Variants in SUPT6H observed in about 807,000 individuals in gnomAD.
SUPT6H encodes transcription elongation factor SPT6.
A neutral mutation model predicts 222.3 loss-of-function variants in SUPT6H; 11 were observed. The observed-to-expected ratio is 0.05, with a 90% CI of 0.03 to 0.08. The LOEUF (loss-of-function observed/expected upper bound fraction) is 0.08, where lower values mean the gene tolerates loss of function less well. SUPT6H is among the 10% of genes least tolerant of loss of function. The pLI, the probability that SUPT6H is intolerant of heterozygous loss-of-function variation, is 1.00. For missense variants in SUPT6H, 1,422 were observed against 2,216.0 expected (o/e 0.64, Z 7.19); for synonymous variants, 762 against 801.2 (o/e 0.95, Z 0.83).
In SUPT6H at chr17:28,690,141, T is replaced by C. The variant is rs374520228; in HGVS notation, c.3402T>C (p.Tyr1134=). The C allele has an allele frequency of 3.5e-5, 56 of 1,613,632 alleles. No individual in the cohort carries two copies. The highest frequency in any genetic ancestry group is 1.1e-4 in the East Asian group (5 of 44,882). The change falls in exon 26 of 37, where the codon TAT becomes TAC. Residue 1134 remains tyrosine (Y), a synonymous_variant. Transcript: ENST00000314616. ...YDIRAELSCR[Y]KDLRTAYRSP... is the part of the protein sequence containing the mutation. Reference sequence around the variant, plus strand: ...TCCGGGCAGAGCTGAGCTGTCGATATAAGGACCTCCGGACAGCCTACCGCT... The same window carrying C: ...TCCGGGCAGAGCTGAGCTGTCGATACAAGGACCTCCGGACAGCCTACCGCT...
rs1411328355 is a variant in SUPT6H, at chr17:28,701,682, A to AATGCCTCCCTCC, written c.*57_*58insATGCCTCCCTCC. On this transcript the variant is annotated 3_prime_UTR_variant, in exon 37 of 37. Transcript: ENST00000314616. ...GAGGCTGGGAAAGGCCTGGCTGCCC[A>AATGCCTCCCTCC]CTGCCTCCCTCCCTGCCCCTCCTTT... 6.6e-7 allele frequency: 1 copy of AATGCCTCCCTCC among 1,519,574 alleles called. No homozygotes were observed. The highest frequency in any genetic ancestry group is 8.9e-7 in the Non-Finnish European group (1 of 1,121,592). The allele number at this position is 1,519,574 out of a possible 1,614,324, so 94.1% of individuals were successfully genotyped here.
intron 13 of SUPT6H, 21 bp downstream of exon 13, chr17:28,682,001 GA>G (rs1227153604): frequency 1.3e-6 from 2 of 1,585,242 alleles, no homozygotes; most frequent in South Asian, 2.3e-5. Context: ...GCTGCTTTGG[GA>G]TTTAGGCATT....
rs1257447045 is a variant in SUPT6H at position 28,689,523 on chromosome 17, C to T, written c.3304C>T (p.Leu1102=). 2 of 1,614,068 alleles carry T rather than the reference C, an allele frequency of 1.2e-6. No individual in the cohort carries two copies. Among genetic ancestry groups the T allele is most frequent in the Non-Finnish European group, 1.7e-6 (2 of 1,180,054 alleles). Residue 1102 remains leucine, a synonymous_variant, in exon 25 of 37, where the codon CTG becomes TTG. Transcript: ENST00000314616. ...ILENPERLKD[L]DLDAFAEELE... is the part of the protein sequence containing the mutation. ...GGAAAACCCAGAGCGACTGAAAGAC[C>T]TGGACCTTGATGCCTTTGCAGAAGA...
At chr17:28,689,241 C>T in intron 24 of SUPT6H, 113 bp from the exon 25 acceptor site, 3 of 905,116 alleles carry the variant, frequency 3.3e-6, no homozygotes, top group Non-Finnish European at 5.1e-6. Flanking sequence ...GTATAGTATT[C>T]CATTGTATGG....
chr17:28,677,110 C>G (rs1290012208), intron 7 of SUPT6H, among the ~76,000 whole-genome samples: 1 of 151,350 alleles, frequency 6.6e-6, no homozygotes, highest in Non-Finnish European at 1.5e-5. Context: ...CGGTGACTCA[C>G]GCCTGTAATC....
Position 28,678,922 on chromosome 17 carries a change from T to C in SUPT6H, c.1308T>C (p.Leu436=). The C allele has an allele frequency of 3.1e-6, 5 of 1,614,228 alleles. No individual in the cohort carries two copies. Among genetic ancestry groups the C allele is most frequent in the Non-Finnish European group, 3.4e-6 (4 of 1,180,038 alleles). Residue 436 remains leucine (L), a synonymous_variant, in exon 11 of 37, where the codon CTT becomes CTC. Transcript: ENST00000314616. The part of the protein sequence containing the change: ...EQISADPDKP[L]ADGIRALDTT... ...TCTCTGCTGACCCTGACAAACCTCT[T>C]GCTGATGGCATCCGGGCTCTGGACA...
In SUPT6H at chr17:28,681,893, G is replaced by A. The variant is rs555837352; in HGVS notation, c.1510G>A (p.Glu504Lys). 34 of 1,608,888 alleles carry A rather than the reference G, an allele frequency of 2.1e-5. No homozygotes were observed. The highest frequency in any genetic ancestry group is 2.7e-5 in the Non-Finnish European group (32 of 1,178,606). The change falls in exon 13 of 37, where the codon GAG becomes AAG. Residue 504 changes from glutamate to lysine, a missense_variant. Physicochemically the swap from Glu to Lys is moderately conservative, Grantham distance 56. Around this residue, in one of 13 missense-constraint regions of SUPT6H, gnomAD observed 389 missense variants for 544.6 expected, o/e 0.71. Coordinates refer to ENST00000314616, the MANE Select transcript of SUPT6H (RefSeq NM_003170.5). Reference protein sequence around the residue: ...EEGDEEGEGDEAEDEEQRGPE... With the variant: ...EEGDEEGEGDKAEDEEQRGPE... Reference sequence around the variant, plus strand: ...TGTTTTCTTCCCAGGTGAAGGTGACGAGGCAGAAGATGAGGAGCAGAGGGG... The same window carrying A: ...TGTTTTCTTCCCAGGTGAAGGTGACAAGGCAGAAGATGAGGAGCAGAGGGG...
chr17:28,682,037 C>G, intron 13 of SUPT6H, 57 bp downstream of exon 13: 2 of 1,427,412 alleles, frequency 1.4e-6, no homozygotes, highest in Non-Finnish European at 1.9e-6. Flanking sequence ...GGGAGTTACC[C>G]AGAAAAAAGA....
rs1567707376 is a variant in SUPT6H, at chr17:28,700,438, A to G, written c.4732A>G (p.Asn1578Asp). 2 of 1,614,246 alleles carry G rather than the reference A, an allele frequency of 1.2e-6. No individual in the cohort carries two copies. Among genetic ancestry groups the G allele is most frequent in the Non-Finnish European group, 1.7e-6 (2 of 1,180,046 alleles). The change falls in exon 35 of 37, where the codon AAT becomes GAT. Residue 1578 changes from asparagine to aspartate, a missense_variant. Around this residue, in one of 13 missense-constraint regions of SUPT6H, gnomAD observed 395 missense variants for 580.6 expected, o/e 0.68. Coordinates refer to ENST00000314616, the MANE Select transcript of SUPT6H (RefSeq NM_003170.5). ...GGTGACAGGCCAAGGACAGAACCCT[A>G]ATGCCACCCCAGCCCAGTGGGCCTC... Reference protein sequence around the residue: ...AAVTGQGQNPNATPAQWASSQ... With the variant: ...AAVTGQGQNPDATPAQWASSQ...
In SUPT6H at chr17:28,688,011, G is replaced by A; in HGVS notation, c.3007-80G>A. The A allele has an allele frequency of 1.4e-6, 2 of 1,406,042 alleles. No homozygotes were observed. The highest frequency in any genetic ancestry group is 1.8e-5 in the South Asian group (1 of 55,304). 87.1% of individuals were successfully genotyped at this position (1,406,042 alleles called of 1,614,324 possible). On this transcript the variant is annotated intron_variant, in intron 23 of 36. Coordinates refer to ENST00000314616, the MANE Select transcript of SUPT6H (RefSeq NM_003170.5). This position sits in a 1 kb window ranked among gnomAD's most constrained non-coding sequence, Gnocchi z 4.3. ...CTGGGTGGGACAGAGTTTTTGTTAT[G>A]AGGGTTTAATAGAGACTGGAACAGT...
intron 19 of SUPT6H, among the ~76,000 whole-genome samples, chr17:28,685,472 CATTATT>C (rs3076012): frequency 0.53 from 76,429 of 144,162 alleles, 22,270 homozygotes; most frequent in Non-Finnish European, 0.66. Context: ...TTATTATTAT[CATTATT>C]ATTATTATTA....
In SUPT6H at chr17:28,697,728, C is replaced by T. The variant is rs763471052; in HGVS notation, c.4318C>T (p.Arg1440Cys). 1.9e-5 allele frequency: 31 copies of T among 1,613,982 alleles called. No individual in the cohort carries two copies. Among genetic ancestry groups the T allele is most frequent in the South Asian group, 1.6e-4 (15 of 91,078 alleles). ...KYYQDCSGGD[R>C]KKLEELLIKT... ...TTATCAGGACTGCAGCGGTGGGGAC[C>T]GCAAGGTAAGCCCAGGGCCCTCTGA... The change falls in exon 31 of 37, where the codon CGC becomes TGC. Residue 1440 changes from arginine to cysteine, a missense_variant. By Grantham distance (180) the Arg-to-Cys change is radical (BLOSUM62 -3). Around this residue, in one of 13 missense-constraint regions of SUPT6H, gnomAD observed 395 missense variants for 580.6 expected, o/e 0.68. Coordinates refer to ENST00000314616, the MANE Select transcript of SUPT6H (RefSeq NM_003170.5).
intron 27 of SUPT6H, among the ~76,000 whole-genome samples, chr17:28,692,723 C>T (rs1381096241): frequency 4.1e-5 from 6 of 147,952 alleles, no homozygotes; most frequent in Admixed American, 1.3e-4. Flanking sequence ...CAGGCTTAAC[C>T]GGGTGCAGTG....
intron 25 of SUPT6H, 55 bp from the exon 26 acceptor site, chr17:28,690,027 G>C: frequency 6.4e-7 from 1 of 1,572,300 alleles, no homozygotes; most frequent in Non-Finnish European, 8.6e-7. Flanking sequence ...GGGACTCCTT[G>C]AGGCTCAGGT....
chr17:28,690,964 T>A lies in SUPT6H; in HGVS notation c.3534T>A (p.Arg1178=). The A allele has an allele frequency of 6.2e-7, 1 of 1,613,964 alleles. No individual in the cohort carries two copies. Among genetic ancestry groups the A allele is most frequent in the Non-Finnish European group, 8.5e-7 (1 of 1,180,014 alleles). The change falls in exon 27 of 37, where the codon CGT becomes CGA. Residue 1178 remains arginine (R), a synonymous_variant. Transcript: ENST00000314616. ...ICNVTGIAHR[R]PQGESYDQAI... Reference sequence around the variant, plus strand: ...ATGTCACTGGCATTGCCCACAGGCGTCCCCAGGGTGAGAGCTATGACCAGG... The same window carrying A: ...ATGTCACTGGCATTGCCCACAGGCGACCCCAGGGTGAGAGCTATGACCAGG...
chr17:28,687,968 G>A (rs2031475314), intron 23 of SUPT6H, 123 bp from the exon 24 acceptor site: 7 of 976,972 alleles, frequency 7.2e-6, no homozygotes, highest in African/African-American at 6.9e-5. Flanking sequence ...ATAGCATGCT[G>A]TAGTGCTCAA....
At position 28,683,764 on chromosome 17, in the gene SUPT6H, C is replaced by T. The variant is rs2031239980; in HGVS notation, c.2177C>T (p.Ala726Val). The change falls in exon 17 of 37, where the codon GCC (alanine) becomes GTC (valine). Residue 726 changes from alanine to valine, a missense_variant. Ala to Val is a moderately conservative substitution (Grantham distance 64). Coordinates refer to ENST00000314616, the MANE Select transcript of SUPT6H (RefSeq NM_003170.5). Reference protein sequence around the residue: ...ALQQFLYVQMAKELKNKLLAE... With the variant: ...ALQQFLYVQMVKELKNKLLAE... ...CAGCAGTTCCTCTATGTGCAGATGG[C>T]CAAAGAACTCAAGAACAAGCTGCTG... The T allele has an allele frequency of 1.2e-6, 2 of 1,613,828 alleles. No individual in the cohort carries two copies. Among genetic ancestry groups the T allele is most frequent in the South Asian group, 1.1e-5 (1 of 91,066 alleles).
At position 28,702,061 on chromosome 17, in the gene SUPT6H, G is replaced by C. The variant is rs558893129; in HGVS notation, c.*436G>C. 2 of 158,604 alleles carry C rather than the reference G, an allele frequency of 1.3e-5. No individual in the cohort carries two copies. Among genetic ancestry groups the C allele is most frequent in the African/African-American group, 4.8e-5 (2 of 41,764 alleles). The allele number at this position is 158,604 out of a possible 1,614,324, so 9.8% of individuals were successfully genotyped here. On this transcript the variant is annotated 3_prime_UTR_variant, in exon 37 of 37. Coordinates refer to ENST00000314616, the MANE Select transcript of SUPT6H (RefSeq NM_003170.5). The stretch of plus-strand genomic sequence containing the variant: ...GCTATTTATTCAGTTTGGGGCAGGA[G>C]GGAGAGGAGGGAAAGTATTTCTGAC...
At chr17:28,677,029 G>A (rs2030789850) in intron 7 of SUPT6H, among the ~76,000 whole-genome samples, 1 of 152,010 alleles carries the variant, frequency 6.6e-6, no homozygotes, top group Non-Finnish European at 1.5e-5. Context: ...AGGAGTTCGA[G>A]ACCAGCCTGG....
Sources: gnomAD v4.1 joint callset for allele counts (sites outside exome capture counted in the v4.1 genomes callset) on GRCh38, gnomAD v4.1.1 for gene constraint, gnomAD v4.1.1 regional missense constraint, Gnocchi (gnomAD v3.1) non-coding constraint, MANE v1.5 for transcripts, NCBI Gene and HGNC (gene_info 2026-07-23, HGNC 2026-07-21) for gene names.